LRIF1: variants seen among roughly 807,000 people sequenced by gnomAD.
LRIF1 encodes ligand-dependent nuclear receptor-interacting factor 1.
LRIF1 carries 32 observed loss-of-function variants against 52.7 expected under a neutral mutation model. The ratio of observed to expected loss-of-function variants is 0.61; its 90% CI spans 0.46 to 0.82. The LOEUF is 0.82. Among genes scored for constraint, LRIF1 ranks in the 40% least tolerant of loss-of-function variants. The pLI is 0.00. For missense variants in LRIF1, 887 were observed against 892.0 expected, an observed-to-expected ratio of 0.99 and a Z score of 0.07; for synonymous variants, 323 against 317.4, an observed-to-expected ratio of 1.02 and a Z score of -0.19.
chr1:110,902,557 A>AATTCT, the LRIF1 span, among the ~76,000 whole-genome samples: 1 of 151,842 alleles, frequency 6.6e-6, no homozygotes, highest in Non-Finnish European at 1.5e-5. Context: ...AGAAAGAAAG[A>AATTCT]ATTCTAAAGA....
At chr1:110,895,004 T>C in the LRIF1 span, 2 of 1,613,968 alleles carry the variant, frequency 1.2e-6, no homozygotes, top group Non-Finnish European at 1.7e-6. Flanking sequence ...GCATCCACCG[T>C]TACCACTCAG....
At chr1:110,882,044 A>G in the LRIF1 span, among the ~76,000 whole-genome samples, 2 of 152,154 alleles carry the variant, frequency 1.3e-5, no homozygotes, top group African/African-American at 4.8e-5. Context: ...TGATTTGGAA[A>G]TATTTTGTCC....
chr1:110,935,779 A>G, the LRIF1 span, among the ~76,000 whole-genome samples: 1 of 152,148 alleles, frequency 6.6e-6, no homozygotes, highest in Non-Finnish European at 1.5e-5. Flanking sequence ...TAGAAAGCCT[A>G]TTCAAAGGGA....
At chr1:110,928,711 T>G in the LRIF1 span, among the ~76,000 whole-genome samples, 98 of 152,188 alleles carry the variant, frequency 6.4e-4, no homozygotes, top group Middle Eastern at 3.4e-3. Flanking sequence ...AGAGGAACTT[T>G]CCAGAGAGTG....
chr1:110,897,749 C>A, the LRIF1 span: 2 of 1,016,436 alleles, frequency 2.0e-6, no homozygotes, highest in Non-Finnish European at 3.1e-6. Flanking sequence ...CTTCCAAATA[C>A]TTCCTCTTGA....
At chr1:110,960,284 T>A (rs1658895142) in intron 1 of LRIF1, among the ~76,000 whole-genome samples, 1 of 152,200 alleles carries the variant, frequency 6.6e-6, no homozygotes, top group South Asian at 2.1e-4. Context: ...AAGAGATTAA[T>A]GACAGATTTC....
chr1:110,900,061 A>T, the LRIF1 span: 1 of 152,374 alleles, frequency 6.6e-6, no homozygotes, highest in Admixed American at 6.5e-5. Flanking sequence ...GACAACAAAC[A>T]TTTATTATCT....
At chr1:110,908,315 G>A in the LRIF1 span, among the ~76,000 whole-genome samples, 6 of 152,306 alleles carry the variant, frequency 3.9e-5, no homozygotes, top group South Asian at 1.0e-3. Flanking sequence ...GAGAAAGTGC[G>A]AGTGCAATAA....
At chr1:110,923,549 C>T in the LRIF1 span, among the ~76,000 whole-genome samples, 1 of 151,756 alleles carries the variant, frequency 6.6e-6, no homozygotes, top group African/African-American at 2.4e-5. Context: ...TGGTAGAAAT[C>T]AATAACAAAA....
chr1:110,889,039 A>G, the LRIF1 span, among the ~76,000 whole-genome samples: 2 of 152,216 alleles, frequency 1.3e-5, no homozygotes, highest in Non-Finnish European at 2.9e-5. Context: ...TAGCTTGTGC[A>G]AAGGGCAACA....
the LRIF1 span, among the ~76,000 whole-genome samples, chr1:110,934,146 CCTG>C: frequency 2.6e-5 from 4 of 152,170 alleles, no homozygotes; most frequent in African/African-American, 9.7e-5. Context: ...GCATTCATCA[CCTG>C]CTAACTGAAA....
intron 1 of LRIF1, among the ~76,000 whole-genome samples, chr1:110,960,225 T>C (rs1012039020): frequency 6.6e-6 from 1 of 152,206 alleles, no homozygotes; most frequent in Non-Finnish European, 1.5e-5. Flanking sequence ...ATATTTACTT[T>C]AGCATAACCC....
At chr1:110,892,148 G>A in the LRIF1 span, among the ~76,000 whole-genome samples, 377 of 152,350 alleles carry the variant, frequency 2.5e-3, 1 homozygote, top group African/African-American at 8.7e-3. Flanking sequence ...GAAGAGTTGT[G>A]AGTAGGTCTC....
Position 110,948,299 on chromosome 1 carries a change from T to C in LRIF1, c.1970A>G (p.Glu657Gly), listed in dbSNP as rs750001410. Residue 657 changes from glutamate (E) to glycine (G), a missense_variant, in exon 4 of 4, where the codon GAA becomes GGA. Glu to Gly is a moderately conservative substitution (Grantham distance 98). Coordinates refer to ENST00000369763, the MANE Select transcript of LRIF1 (RefSeq NM_018372.4). ...GAGTTGGGAACCGGTGACATTAGCT[T>C]CCCCATTTATGATTGCGTTATAAGC... Reference protein sequence around the residue: ...ENAYNAIINGEANVTGSQLLS... With the variant: ...ENAYNAIINGGANVTGSQLLS... 3.1e-6 allele frequency: 5 copies of C among 1,613,992 alleles called. No individual in the cohort carries two copies. In the East Asian group the frequency reaches 1.1e-4, roughly 36 times the overall value.
chr1:110,914,665 A>G, the LRIF1 span, among the ~76,000 whole-genome samples: 1 of 152,138 alleles, frequency 6.6e-6, no homozygotes. Context: ...AGGCAGGAGA[A>G]TCACTTGAAC....
chr1:110,916,673 T>C, the LRIF1 span, among the ~76,000 whole-genome samples: 2 of 152,174 alleles, frequency 1.3e-5, no homozygotes, highest in Non-Finnish European at 2.9e-5. Context: ...AATTCCAATA[T>C]ATGCTCTTTA....
At chr1:110,930,194 T>C in the LRIF1 span, among the ~76,000 whole-genome samples, 1 of 152,316 alleles carries the variant, frequency 6.6e-6, no homozygotes, top group South Asian at 2.1e-4. Context: ...AGTTCTTCAA[T>C]TTTTTCCTTA....
the LRIF1 span, among the ~76,000 whole-genome samples, chr1:110,901,073 G>A: frequency 3.0e-3 from 458 of 152,098 alleles, 2 homozygotes; most frequent in African/African-American, 9.9e-3. Context: ...GTATTTCAGT[G>A]GTAGTCTGTA....
the LRIF1 span, among the ~76,000 whole-genome samples, chr1:110,909,573 C>CTTTTTTTTTT: frequency 1.3e-5 from 1 of 77,978 alleles, no homozygotes; most frequent in Admixed American, 1.7e-4. Context: ...GCAGGGGTAG[C>CTTTTTTTTTT]TTTTTTTTTT....
Sources: gnomAD v4.1 joint callset for allele counts (sites outside exome capture counted in the v4.1 genomes callset) on GRCh38, gnomAD v4.1.1 for gene constraint, MANE v1.5 for transcripts, NCBI Gene and HGNC (gene_info 2026-07-23, HGNC 2026-07-21) for gene names.